Variants in NBEAL1 observed in about 807,000 individuals in gnomAD.
The protein encoded by NBEAL1 is neurobeachin like 1.
A neutral mutation model predicts 351.3 loss-of-function variants in NBEAL1; 273 were observed. That is an observed-to-expected ratio of 0.78 (90% CI 0.70 to 0.86). NBEAL1 has a LOEUF of 0.86. NBEAL1 is among the 40% of genes least tolerant of loss of function. The pLI is 0.00. For synonymous variants in NBEAL1, 1,050 were observed against 1,086.4 expected (o/e 0.97, Z 0.66); for missense variants, 2,961 against 3,201.3 (o/e 0.92, Z 1.81).
intron 25 of NBEAL1, among the ~76,000 whole-genome samples, chr2:203,131,097 T>C (rs969568528): frequency 7.2e-5 from 11 of 152,250 alleles, no homozygotes; most frequent in Non-Finnish European, 1.5e-4. Flanking sequence ...TAAGCCTTTC[T>C]CATTAAGAAA....
intron 55 of NBEAL1, among the ~76,000 whole-genome samples, chr2:203,216,245 G>GGCTT (rs1344331162): frequency 6.6e-6 from 1 of 151,784 alleles, no homozygotes. Context: ...GCCTTCAAGG[G>GGCTT]GCTTATGCTC....
At chr2:203,212,059 G>A (rs545892384) in intron 54 of NBEAL1, among the ~76,000 whole-genome samples, 113 of 151,898 alleles carry the variant, frequency 7.4e-4, no homozygotes, top group Middle Eastern at 3.4e-3. Context: ...GCTAATTTTT[G>A]TATTTTTAGT....
At chr2:203,193,980 T>G in intron 47 of NBEAL1, 69 bp downstream of exon 47, 1 of 817,138 alleles carries the variant, frequency 1.2e-6, no homozygotes, top group South Asian at 1.7e-5. Flanking sequence ...GTTCTTTTAT[T>G]ATTTAATGGG....
chr2:203,202,684 C>T lies in NBEAL1; in HGVS notation c.7412-3C>T, dbSNP rs1460667112. ...TCATTTTATTTAATTCCTTTTCTTA[C>T]AGATATTGTGACTTGCTTAGCTACA... On this transcript the variant is annotated splice_region_variant and splice_polypyrimidine_tract_variant and intron_variant, in intron 50 of 55. Transcript: ENST00000683969. 2.3e-5 allele frequency: 35 copies of T among 1,537,448 alleles called. No homozygotes were observed. The highest frequency in any genetic ancestry group is 3.1e-5 in the Non-Finnish European group (34 of 1,112,212).
chr2:203,071,960 G>A (rs2061691834), intron 7 of NBEAL1, among the ~76,000 whole-genome samples: 1 of 152,056 alleles, frequency 6.6e-6, no homozygotes, highest in Non-Finnish European at 1.5e-5. Flanking sequence ...CCCACCCCAG[G>A]TCTCTGCAAG....
intron 31 of NBEAL1, among the ~76,000 whole-genome samples, chr2:203,140,746 T>C (rs2063346452): frequency 6.6e-6 from 1 of 152,146 alleles, no homozygotes; most frequent in African/African-American, 2.4e-5. Flanking sequence ...ATATCTAAAA[T>C]ATGAAACTGG....
In NBEAL1 at chr2:203,208,674, A is replaced by G. The variant is rs761968068; in HGVS notation, c.7544A>G (p.Gln2515Arg). The change falls in exon 52 of 56, where the codon CAG becomes CGG. Residue 2515 changes from glutamine to arginine, a missense_variant. Gln to Arg is a conservative substitution (Grantham distance 43). Coordinates refer to ENST00000683969, the MANE Select transcript of NBEAL1 (RefSeq NM_001378026.1). ...GTGGGCTTAGCATCTAAACCTTTTC[A>G]GATTCTTTATGGACACACCAACGAG... ...VPVGLASKPF[Q>R]ILYGHTNEVL... The G allele has an allele frequency of 6.2e-7, 1 of 1,612,456 alleles. No individual in the cohort carries two copies. Among genetic ancestry groups the G allele is most frequent in the Non-Finnish European group, 8.5e-7 (1 of 1,179,612 alleles).
rs571768930 is a variant in NBEAL1, at chr2:203,176,502, A to G, written c.6464+1215A>G. The stretch of plus-strand genomic sequence containing the variant: ...CACTTTGGGAGGCCAAGGTGGGTGG[A>G]TCACCTGAGGTCAGAATTTCAAGAC... On this transcript the variant is annotated intron_variant, in intron 42 of 55. Coordinates refer to ENST00000683969, the MANE Select transcript of NBEAL1 (RefSeq NM_001378026.1). Among the ~76,000 whole-genome samples the G allele has an allele frequency of 4.6e-5, 7 of 152,150 alleles. No individual in the cohort carries two copies. In the South Asian group the frequency reaches 8.3e-4, roughly 18 times the overall value.
chr2:203,023,160 T>C (rs915023267), intron 2 of NBEAL1, among the ~76,000 whole-genome samples: 1 of 152,232 alleles, frequency 6.6e-6, no homozygotes, highest in Non-Finnish European at 1.5e-5. Flanking sequence ...AGTACAATTT[T>C]GGTTATAATC....
chr2:203,135,874 T>C lies in NBEAL1; in HGVS notation c.4011T>C (p.Asp1337=), dbSNP rs772853441. Residue 1337 remains aspartate (D), a synonymous_variant, in exon 28 of 56, where the codon GAT becomes GAC. Transcript: ENST00000683969. ...MSTEDTKKNS[D]EKTDEEKITS... ...CTGAAGATACCAAGAAGAACTCTGATGAAAAAACAGATGAGGAAAAAATCA... is the reference window on the plus strand; with the variant it reads ...CTGAAGATACCAAGAAGAACTCTGACGAAAAAACAGATGAGGAAAAAATCA... The C allele has an allele frequency of 6.2e-7, 1 of 1,614,110 alleles. No homozygotes were observed. Among genetic ancestry groups the C allele is most frequent in the Non-Finnish European group, 8.5e-7 (1 of 1,179,988 alleles).
Position 203,130,445 on chromosome 2 carries a change from A to T in NBEAL1, c.3533A>T (p.Tyr1178Phe). 1 of 1,460,992 alleles carries T rather than the reference A, an allele frequency of 6.8e-7. No homozygotes were observed. Among genetic ancestry groups the T allele is most frequent in the Non-Finnish European group, 9.0e-7 (1 of 1,112,884 alleles). 90.5% of individuals were successfully genotyped at this position (1,460,992 alleles called of 1,614,324 possible). ...TACGCATTGCTCTTAAATCAGAAGT[A>T]CTCTGACAGACTAAGAGAAATCATT... ...ILYALLLNQK[Y>F]SDRLREIIFK... The change falls in exon 25 of 56, where the codon TAC (tyrosine) becomes TTC (phenylalanine). Residue 1178 changes from tyrosine to phenylalanine, a missense_variant. Tyr to Phe is a conservative substitution (Grantham distance 22). Transcript: ENST00000683969.
At chr2:203,195,973 G>C (rs937000147) in intron 47 of NBEAL1, among the ~76,000 whole-genome samples, 1 of 152,148 alleles carries the variant, frequency 6.6e-6, no homozygotes, top group African/African-American at 2.4e-5. Flanking sequence ...GTGTAAGGAT[G>C]AACTGTTCGC....
At chr2:203,213,443 T>A in intron 54 of NBEAL1, 75 bp from the exon 55 acceptor site, 1 of 1,350,002 alleles carries the variant, frequency 7.4e-7, no homozygotes, top group Non-Finnish European at 1.0e-6. Context: ...CATTAATTTA[T>A]TTTCCAGATA....
In NBEAL1 at chr2:203,127,969, T is replaced by C. The variant is rs568243049; in HGVS notation, c.3405+32T>C. On this transcript the variant is annotated intron_variant, in intron 24 of 55. Coordinates refer to ENST00000683969, the MANE Select transcript of NBEAL1 (RefSeq NM_001378026.1). ...TGCCTAAGATACATCTACTTTTCCT[T>C]TTTAACATTTGAGTTGCTACATCAT... The C allele has an allele frequency of 7.9e-6, 12 of 1,509,444 alleles. No individual in the cohort carries two copies. In the African/African-American group the frequency reaches 1.4e-4, roughly 18 times the overall value. 93.5% of individuals were successfully genotyped at this position (1,509,444 alleles called of 1,614,324 possible).
intron 45 of NBEAL1, among the ~76,000 whole-genome samples, chr2:203,189,509 C>G (rs896403304): frequency 2.0e-5 from 3 of 152,050 alleles, no homozygotes; most frequent in African/African-American, 7.2e-5. Flanking sequence ...GCCTCAGCCT[C>G]CTGAGTAGCT....
In NBEAL1 at chr2:203,112,887, A is replaced by G. The variant is rs370943155; in HGVS notation, c.2203-128A>G. On this transcript the variant is annotated intron_variant, in intron 16 of 55. Coordinates refer to ENST00000683969, the MANE Select transcript of NBEAL1 (RefSeq NM_001378026.1). The stretch of plus-strand genomic sequence containing the variant: ...CACTTCATGATTTGGTAAAAATAAA[A>G]CTGCTTCCACTTTTATTTTCAATGT... 145 of 970,220 alleles carry G rather than the reference A, an allele frequency of 1.5e-4. No individual in the cohort carries two copies. The South Asian group carries it at 2.1e-3, about 14-fold the overall frequency. 60.1% of individuals were successfully genotyped at this position (970,220 alleles called of 1,614,324 possible). A position where few individuals can be genotyped will look rare whatever the true frequency, so the allele number is the denominator to read the frequency against.
chr2:203,137,112 A>G (rs905654731), intron 29 of NBEAL1, among the ~76,000 whole-genome samples: 1 of 152,162 alleles, frequency 6.6e-6, no homozygotes, highest in Admixed American at 6.5e-5. Context: ...GTGCTAAGAG[A>G]ACGGAGTTGG....
At chr2:203,150,285 T>C (rs557248270) in intron 34 of NBEAL1, among the ~76,000 whole-genome samples, 6 of 152,316 alleles carry the variant, frequency 3.9e-5, no homozygotes, top group African/African-American at 7.2e-5. Context: ...TATGATTTCA[T>C]GTTCCATTTC....
intron 42 of NBEAL1, among the ~76,000 whole-genome samples, chr2:203,179,928 C>A (rs926973105): frequency 6.6e-6 from 1 of 152,030 alleles, no homozygotes; most frequent in South Asian, 2.1e-4. Flanking sequence ...TGTGTGCCAC[C>A]ACGCCTGGCT....
Sources: gnomAD v4.1 joint callset for allele counts (sites outside exome capture counted in the v4.1 genomes callset) on GRCh38, gnomAD v4.1.1 for gene constraint, MANE v1.5 for transcripts, NCBI Gene and HGNC (gene_info 2026-07-23, HGNC 2026-07-21) for gene names.